The following CCNE1 variants were observed in gnomAD, a reference collection of about 807,000 sequenced individuals.
CCNE1 encodes G1/S-specific cyclin-E1.
A neutral mutation model predicts 54.1 loss-of-function variants in CCNE1; 8 were observed. That is an observed-to-expected ratio of 0.15 (90% CI 0.09 to 0.27). The LOEUF is 0.27. Among genes scored for constraint, CCNE1 ranks in the 10% least tolerant of loss-of-function variants. CCNE1 has a pLI of 1.00. For synonymous variants in CCNE1, 179 were observed against 185.2 expected, an observed-to-expected ratio of 0.97 and a Z score of 0.27; for missense variants, 430 against 514.9, an observed-to-expected ratio of 0.84 and a Z score of 1.60.
chr19:29,812,407 G>A (rs1204298092), intron 1 of CCNE1, 125 bp from the exon 2 acceptor site: 7 of 571,570 alleles, frequency 1.2e-5, no homozygotes, highest in African/African-American at 7.9e-5. Context: ...CCCGGGTCGC[G>A]GGTGACAGGC....
chr19:29,817,631 C>G (rs977276235), intron 6 of CCNE1, 90 bp downstream of exon 6: 2 of 1,351,188 alleles, frequency 1.5e-6, no homozygotes, highest in Non-Finnish European at 2.1e-6. Context: ...TTTATTCCCT[C>G]GACATGTTCT....
intron 7 of CCNE1, 134 bp downstream of exon 7, chr19:29,820,982 G>C: frequency 1.5e-6 from 1 of 649,392 alleles, no homozygotes; most frequent in Non-Finnish European, 2.6e-6. Flanking sequence ...GTAAAGTTAA[G>C]ACACATGCCA....
rs1368666276 is a variant in CCNE1, at chr19:29,820,747, C to T, written c.508C>T (p.Gln170Ter). ...TCACAGGGAGACCTTTTACTTGGCA[C>T]AAGATTTCTTTGACCGGTATATGGC... is the stretch of plus-strand genomic sequence containing the variant. ...KLHRETFYLAQDFFDRYMATQ... is the reference protein window; with the variant it reads ...KLHRETFYLA Residue 170 changes from glutamine to a stop codon, truncating the protein, a stop_gained, in exon 7 of 12, where the codon CAA becomes TAA. Coordinates refer to ENST00000262643, the MANE Select transcript of CCNE1 (RefSeq NM_001238.4). LOFTEE classifies it high-confidence loss of function. 6.2e-7 allele frequency: 1 copy of T among 1,611,334 alleles called. No individual in the cohort carries two copies. The highest frequency in any genetic ancestry group is 8.5e-7 in the Non-Finnish European group (1 of 1,178,150).
At chr19:29,818,318 A>G (rs956261630) in intron 6 of CCNE1, among the ~76,000 whole-genome samples, 4 of 151,518 alleles carry the variant, frequency 2.6e-5, no homozygotes, top group South Asian at 4.2e-4. Context: ...GAGCCACCGC[A>G]CCCTGCCTAA....
rs910310456 is a variant in CCNE1, at chr19:29,813,091, A to T, written c.180+54A>T. 2.0e-6 allele frequency: 3 copies of T among 1,474,290 alleles called. 1 individual carries two copies. In the South Asian group the frequency reaches 3.4e-5, roughly 17 times the overall value. The allele number at this position is 1,474,290 out of a possible 1,614,324, so 91.3% of individuals were successfully genotyped here. A position where few individuals can be genotyped will look rare whatever the true frequency, so the allele number is the denominator to read the frequency against. On this transcript the variant is annotated intron_variant, in intron 4 of 11. Transcript: ENST00000262643. ...GGAGGTCCTTCTCCCCCTGGGTCACATGGGGTTTCATGCTGTCTTGTCTCT... is the reference window on the plus strand; with the variant it reads ...GGAGGTCCTTCTCCCCCTGGGTCACTTGGGGTTTCATGCTGTCTTGTCTCT...
Position 29,812,784 on chromosome 19 carries a change from C to G in CCNE1, c.111+8C>G, listed in dbSNP as rs1230391073. On this transcript the variant is annotated splice_region_variant and intron_variant, in intron 3 of 11. Transcript: ENST00000262643. The stretch of plus-strand genomic sequence containing the variant: ...AAGGCAAACGTGACCGTTGTGAGTA[C>G]AAAAGAGACAGGTTGGGGAGCATCC... 6.3e-7 allele frequency: 1 copy of G among 1,576,428 alleles called. No homozygotes were observed. The highest frequency in any genetic ancestry group is 8.6e-7 in the Non-Finnish European group (1 of 1,165,478).
chr19:29,822,224 C>CT lies in CCNE1; in HGVS notation c.841-12dup. On this transcript the variant is annotated splice_polypyrimidine_tract_variant and intron_variant, in intron 9 of 11. Coordinates refer to ENST00000262643, the MANE Select transcript of CCNE1 (RefSeq NM_001238.4). ...GTGTGGTGGCATCCATCTCAGCGTT[C>CT]TTTTCTTCTCCGTAGCTGTTGGATC... is the stretch of plus-strand genomic sequence containing the variant. The CT allele has an allele frequency of 1.2e-6, 2 of 1,612,426 alleles. No homozygotes were observed. The highest frequency in any genetic ancestry group is 1.7e-6 in the Non-Finnish European group (2 of 1,178,830).
chr19:29,817,356 G>T (rs376093279), intron 5 of CCNE1, 50 bp from the exon 6 acceptor site: 2 of 1,613,278 alleles, frequency 1.2e-6, no homozygotes, highest in Non-Finnish European at 1.7e-6. Flanking sequence ...TAGCATGGAC[G>T]CATTCTTACC....
rs3218066 is a variant in CCNE1 at position 29,821,967 on chromosome 19, C to T, written c.706-29C>T. ...ATTTTGAACTTCTTTTCTCAATCATCGGTCTCTTTTCTCTCTGTTTTCCTT... is the reference window on the plus strand; with the variant it reads ...ATTTTGAACTTCTTTTCTCAATCATTGGTCTCTTTTCTCTCTGTTTTCCTT... On this transcript the variant is annotated intron_variant, in intron 8 of 11. Transcript: ENST00000262643. The T allele has an allele frequency of 0.01, 16,241 of 1,594,664 alleles. 939 individuals are homozygous for T. The East Asian group carries it at 0.14, about 14-fold the overall frequency.
chr19:29,821,969 G>T, intron 8 of CCNE1, 27 bp from the exon 9 acceptor site: 1 of 1,597,462 alleles, frequency 6.3e-7, no homozygotes, highest in South Asian at 1.1e-5. Flanking sequence ...TCAATCATCG[G>T]TCTCTTTTCT....
intron 4 of CCNE1, among the ~76,000 whole-genome samples, chr19:29,813,666 G>A (rs1390765089): frequency 6.8e-6 from 1 of 147,040 alleles, no homozygotes; most frequent in Non-Finnish European, 1.5e-5. Flanking sequence ...AATGATAGGT[G>A]GTGTCTCAAT....
chr19:29,813,190 C>T, intron 4 of CCNE1, 153 bp downstream of exon 4: 1 of 659,446 alleles, frequency 1.5e-6, no homozygotes, highest in Middle Eastern at 4.1e-4. Flanking sequence ...CTGTACCTGT[C>T]AGTGGGCACT....
chr19:29,822,592 T>G lies in CCNE1; in HGVS notation c.1099T>G (p.Leu367Val). 6.2e-7 allele frequency: 1 copy of G among 1,609,502 alleles called. No individual in the cohort carries two copies. The highest frequency in any genetic ancestry group is 8.5e-7 in the Non-Finnish European group (1 of 1,177,722). ...CAACATACAGACCCACAGAGACAGC[T>G]TGGATTTGCTGGTCAGTGCTGCTCC... ...AHNIQTHRDS[L>V]DLLDKARAKK... Residue 367 changes from leucine to valine, a missense_variant, in exon 11 of 12, where the codon TTG becomes GTG. Physicochemically the swap from Leu to Val is conservative, Grantham distance 32 (BLOSUM62 1). Around this residue, in one of 2 missense-constraint regions of CCNE1, gnomAD observed 303 missense variants for 401.1 expected, o/e 0.76. Transcript: ENST00000262643.
At chr19:29,821,920 T>A (rs1974156914) in intron 8 of CCNE1, 76 bp from the exon 9 acceptor site, 1 of 1,529,722 alleles carries the variant, frequency 6.5e-7, no homozygotes, top group Non-Finnish European at 9.0e-7. Context: ...GCTGGACACA[T>A]TGTGGCATGG....
rs760124807 is a variant in CCNE1, at chr19:29,823,822, C to T, written c.*45C>T. The T allele has an allele frequency of 7.0e-6, 11 of 1,564,428 alleles. No individual in the cohort carries two copies. Among genetic ancestry groups the T allele is most frequent in the South Asian group, 4.7e-5 (4 of 84,988 alleles). ...CAAAGACAGTTGCGCGCCTGCTCCA[C>T]GTTCTCTTCTGTCTGTTGCAGCGGA... is the stretch of plus-strand genomic sequence containing the variant. On this transcript the variant is annotated 3_prime_UTR_variant, in exon 12 of 12. Coordinates refer to ENST00000262643, the MANE Select transcript of CCNE1 (RefSeq NM_001238.4).
intron 1 of CCNE1, 36 bp from the exon 2 acceptor site, chr19:29,812,496 G>T: frequency 1.6e-6 from 2 of 1,259,648 alleles, no homozygotes; most frequent in South Asian, 6.0e-5. Flanking sequence ...CCCGCGGCCT[G>T]ACCCCGCCGC....
At chr19:29,818,791 T>C (rs1454920759) in intron 6 of CCNE1, among the ~76,000 whole-genome samples, 1 of 151,038 alleles carries the variant, frequency 6.6e-6, no homozygotes, top group East Asian at 2.0e-4. Context: ...AGACGGAGTT[T>C]CGCTCTTGTT....
At position 29,822,323 on chromosome 19, in the gene CCNE1, G is replaced by A. The variant is rs1456543265; in HGVS notation, c.924G>A (p.Ser308=). ...CTGCTTCGGCCTTGTATCATTTCTC[G>A]TCATCTGAATTGATGCAAAAGGTTT... ...ILAASALYHF[S]SSELMQKVSG... The change falls in exon 10 of 12, where the codon TCG becomes TCA. Residue 308 remains serine (S), a synonymous_variant. Coordinates refer to ENST00000262643, the MANE Select transcript of CCNE1 (RefSeq NM_001238.4). The A allele has an allele frequency of 5.6e-6, 9 of 1,613,966 alleles. No homozygotes were observed. Among genetic ancestry groups the A allele is most frequent in the Admixed American group, 3.3e-5 (2 of 60,028 alleles).
Position 29,822,464 on chromosome 19 carries a change from T to C in CCNE1, c.971T>C (p.Ile324Thr). 6.2e-7 allele frequency: 1 copy of C among 1,614,042 alleles called. No homozygotes were observed. Among genetic ancestry groups the C allele is most frequent in the Non-Finnish European group, 8.5e-7 (1 of 1,179,972 alleles). ...ACTGCAGGGTATCAGTGGTGCGACA[T>C]AGAGAACTGTGTCAAGTGGATGGTT... is the stretch of plus-strand genomic sequence containing the variant. Reference protein sequence around the residue: ...QKVSGYQWCDIENCVKWMVPF... With the variant: ...QKVSGYQWCDTENCVKWMVPF... Residue 324 changes from isoleucine (I) to threonine (T), a missense_variant, in exon 11 of 12, where the codon ATA becomes ACA. Physicochemically the swap from Ile to Thr is moderately conservative, Grantham distance 89. This residue lies in a region of CCNE1 where 303 missense variants were observed against 401.1 expected (regional missense o/e 0.76). Transcript: ENST00000262643.
Sources: gnomAD v4.1 joint callset for allele counts (sites outside exome capture counted in the v4.1 genomes callset) on GRCh38, gnomAD v4.1.1 for gene constraint, gnomAD v4.1.1 regional missense constraint, MANE v1.5 for transcripts, NCBI Gene and HGNC (gene_info 2026-07-23, HGNC 2026-07-21) for gene names.